The following PCDH7 variants were observed in gnomAD, a reference collection of about 807,000 sequenced individuals.
The protein encoded by PCDH7 is protocadherin 7.
A neutral mutation model predicts 58.9 loss-of-function variants in PCDH7; 17 were observed. The ratio of observed to expected loss-of-function variants is 0.29; its 90% CI spans 0.20 to 0.43. PCDH7 has a LOEUF of 0.43. PCDH7 is among the 20% of genes least tolerant of loss of function. The pLI is 1.00. For missense variants in PCDH7, 1,274 were observed against 1,441.0 expected, an observed-to-expected ratio of 0.88 and a Z score of 1.88; for synonymous variants, 664 against 616.4, an observed-to-expected ratio of 1.08 and a Z score of -1.14.
chr4:31,105,579 A>G (rs1427662479), intron 3 of PCDH7, among the ~76,000 whole-genome samples: 1 of 152,112 alleles, frequency 6.6e-6, no homozygotes. Flanking sequence ...TGAAGAAGCA[A>G]TGTTCTCAAG....
intron 3 of PCDH7, among the ~76,000 whole-genome samples, chr4:30,985,506 T>A (rs1217510155): frequency 6.6e-6 from 1 of 152,210 alleles, no homozygotes; most frequent in Non-Finnish European, 1.5e-5. Context: ...GTTTCAGTGG[T>A]GACTATGCAG....
intron 3 of PCDH7, among the ~76,000 whole-genome samples, chr4:31,071,602 C>T (rs1398610855): frequency 1.3e-5 from 2 of 151,960 alleles, no homozygotes; most frequent in African/African-American, 2.4e-5. Flanking sequence ...CAAATCAATT[C>T]ATTAGTGATA....
chr4:30,891,577 G>C (rs1738610943), intron 1 of PCDH7, among the ~76,000 whole-genome samples: 1 of 151,914 alleles, frequency 6.6e-6, no homozygotes, highest in Non-Finnish European at 1.5e-5. Context: ...ATTGCTCCTG[G>C]TGAATGAACT....
intron 3 of PCDH7, among the ~76,000 whole-genome samples, chr4:31,107,964 CT>C (rs1560231435): frequency 6.6e-6 from 1 of 151,928 alleles, no homozygotes; most frequent in African/African-American, 2.4e-5. Flanking sequence ...AAATATCAAC[CT>C]TTTTTATAGT....
At chr4:31,012,639 A>G (rs568428889) in intron 3 of PCDH7, among the ~76,000 whole-genome samples, 26 of 150,766 alleles carry the variant, frequency 1.7e-4, no homozygotes, top group African/African-American at 6.3e-4. Flanking sequence ...TTGCCAGAAA[A>G]GTTATTTCTA....
chr4:30,924,249 G>A (rs1743558654), intron 2 of PCDH7, among the ~76,000 whole-genome samples: 1 of 152,138 alleles, frequency 6.6e-6, no homozygotes, highest in Admixed American at 6.6e-5. Flanking sequence ...AATAAGCTCA[G>A]ATATAGAAAA....
chr4:30,852,321 A>G lies in PCDH7; in HGVS notation c.71-67832A>G, dbSNP rs114179035. Among the ~76,000 whole-genome samples, 14 of 152,198 alleles carry G rather than the reference A, an allele frequency of 9.2e-5. No individual in the cohort carries two copies. In the South Asian group the frequency reaches 2.9e-3, roughly 32 times the overall value. ...AGATTCATGTAGTATAGGATTTAGC[A>G]ATGTGCCTAAGTCAAGAAAGCAAAA... On this transcript the variant is annotated intron_variant, in intron 1 of 3. Transcript: ENST00000509759.
chr4:30,809,896 C>T (rs1164328676), intron 1 of PCDH7, among the ~76,000 whole-genome samples: 1 of 152,172 alleles, frequency 6.6e-6, no homozygotes, highest in African/African-American at 2.4e-5. Context: ...TTTATGATGC[C>T]ATGTCACTCT....
At chr4:30,824,133 T>TTCTTTCTTTCTTTCTC (rs1560407928) in intron 1 of PCDH7, among the ~76,000 whole-genome samples, 5 of 147,306 alleles carry the variant, frequency 3.4e-5, no homozygotes, top group African/African-American at 1.3e-4. Context: ...CTTTCTTTCT[T>TTCTTTCTTTCTTTCTC]TCTTTCTTTC....
rs1200985197 is a variant in PCDH7, at chr4:31,014,699, T to G, written c.*7+64484T>G. Among the ~76,000 whole-genome samples, 5 of 152,338 alleles carry G rather than the reference T, an allele frequency of 3.3e-5. No homozygotes were observed. The East Asian group carries it at 9.6e-4, about 29-fold the overall frequency. On this transcript the variant is annotated intron_variant, in intron 3 of 3. Transcript: ENST00000509759. ...AGAAAGCTATAAAACTTGAGATATG[T>G]AATGTATTCTATAAAATTAATAATG...
chr4:30,773,944 G>A (rs537064246), intron 1 of PCDH7, among the ~76,000 whole-genome samples: 2 of 152,244 alleles, frequency 1.3e-5, no homozygotes, highest in South Asian at 2.1e-4. Flanking sequence ...AAAGGAATGG[G>A]CCATCCCATA....
intron 3 of PCDH7, among the ~76,000 whole-genome samples, chr4:31,082,801 T>TA (rs1436873946): frequency 6.6e-6 from 1 of 151,860 alleles, no homozygotes; most frequent in East Asian, 1.9e-4. Flanking sequence ...GGGCTAAGGA[T>TA]AAAAAACTAC....
At chr4:31,098,228 T>C (rs1304020201) in intron 3 of PCDH7, among the ~76,000 whole-genome samples, 2 of 152,204 alleles carry the variant, frequency 1.3e-5, no homozygotes, top group Non-Finnish European at 2.9e-5. Context: ...AAGCATATTA[T>C]CATCTTCGGG....
At chr4:30,804,339 G>C (rs557429973) in intron 1 of PCDH7, among the ~76,000 whole-genome samples, 7 of 152,166 alleles carry the variant, frequency 4.6e-5, no homozygotes, top group African/African-American at 1.7e-4. Flanking sequence ...AGGAGATTGA[G>C]ACCAGCCTGG....
At chr4:31,052,318 G>A (rs1220772548) in intron 3 of PCDH7, among the ~76,000 whole-genome samples, 1 of 152,076 alleles carries the variant, frequency 6.6e-6, no homozygotes, top group Non-Finnish European at 1.5e-5. Context: ...CAAACTTTAA[G>A]TAGTAATATC....
intron 2 of PCDH7, among the ~76,000 whole-genome samples, chr4:30,939,858 T>C (rs1745813689): frequency 6.6e-6 from 1 of 152,040 alleles, no homozygotes; most frequent in South Asian, 2.1e-4. Flanking sequence ...AAATAAGCAT[T>C]TATTACAGAA....
intron 1 of PCDH7, among the ~76,000 whole-genome samples, chr4:30,908,184 G>A (rs1741230910): frequency 6.7e-6 from 1 of 149,732 alleles, no homozygotes; most frequent in African/African-American, 2.5e-5. Flanking sequence ...CATGGCACAT[G>A]TATGCCTATG....
chr4:30,946,812 T>G (rs1434163480), intron 2 of PCDH7, among the ~76,000 whole-genome samples: 2 of 151,494 alleles, frequency 1.3e-5, no homozygotes, highest in Non-Finnish European at 2.9e-5. Context: ...TGTTCAAGCA[T>G]TTCTCTCCTG....
Position 30,722,399 on chromosome 4 carries a change from C to G in PCDH7, c.977C>G (p.Pro326Arg), listed in dbSNP as rs1373779297. 2.5e-6 allele frequency: 4 copies of G among 1,612,512 alleles called. No homozygotes were observed. Among genetic ancestry groups the G allele is most frequent in the South Asian group, 1.1e-5 (1 of 91,082 alleles). ...GCTGAGAACAGCGCCCCGGGGACCC[C>G]CATCCTGCAACTGCGCGCAGCCGAC... The change falls in exon 1 of 2, where the codon CCC becomes CGC. Residue 326 changes from proline to arginine, a missense_variant. Pro to Arg is a moderately radical substitution (Grantham distance 103, BLOSUM62 -2). Around this residue, in one of 3 missense-constraint regions of PCDH7, gnomAD observed 331 missense variants for 303.2 expected, o/e 1.09. Transcript: ENST00000361762. The surrounding 1 kb of genome is among the most constrained non-coding windows in gnomAD (Gnocchi z 7.6).
Sources: allele counts gnomAD v4.1 joint callset (sites outside exome capture counted in the v4.1 genomes callset), GRCh38; gene constraint gnomAD v4.1.1; regional missense constraint gnomAD v4.1.1; non-coding constraint Gnocchi (gnomAD v3.1); transcripts MANE v1.5; gene names NCBI Gene and HGNC (gene_info 2026-07-23, HGNC 2026-07-21).